Variants in ZFYVE1 observed in about 807,000 individuals in gnomAD.
The protein encoded by ZFYVE1 is zinc finger FYVE domain-containing protein 1.
In ZFYVE1, 30 loss-of-function variants were observed where a neutral mutation model predicts 74.4. The observed-to-expected ratio is 0.40, with a 90% CI of 0.30 to 0.55. The LOEUF (loss-of-function observed/expected upper bound fraction) is 0.55. Among genes scored for constraint, ZFYVE1 ranks in the 20% least tolerant of loss-of-function variants. The pLI is 0.42. For missense variants in ZFYVE1, 703 were observed against 1,011.6 expected, an observed-to-expected ratio of 0.69 and a Z score of 4.14; for synonymous variants, 335 against 385.1, an observed-to-expected ratio of 0.87 and a Z score of 1.52.
chr14:73,020,359 T>C (rs1319430995), intron 2 of ZFYVE1, among the ~76,000 whole-genome samples: 1 of 152,144 alleles, frequency 6.6e-6, no homozygotes, highest in African/African-American at 2.4e-5. Flanking sequence ...TTTCTTTGTT[T>C]CTTTGTTTTT....
At chr14:73,016,854 A>G (rs994074367) in intron 2 of ZFYVE1, among the ~76,000 whole-genome samples, 1 of 152,186 alleles carries the variant, frequency 6.6e-6, no homozygotes, top group African/African-American at 2.4e-5. Context: ...AGCCTGAGCA[A>G]CAAGAGCAAA....
chr14:72,999,920 G>A (rs1260914100), intron 2 of ZFYVE1, among the ~76,000 whole-genome samples: 1 of 152,108 alleles, frequency 6.6e-6, no homozygotes, highest in African/African-American at 2.4e-5. Context: ...AATTAGCAGA[G>A]TGTGGTGGCA....
At chr14:73,004,240 T>G (rs1162197789) in intron 2 of ZFYVE1, among the ~76,000 whole-genome samples, 2 of 152,116 alleles carry the variant, frequency 1.3e-5, no homozygotes, top group Non-Finnish European at 2.9e-5. Flanking sequence ...GGGTGGCTGC[T>G]GGAAGAGCCA....
intron 5 of ZFYVE1, among the ~76,000 whole-genome samples, chr14:72,979,591 T>C (rs1274742343): frequency 6.7e-6 from 1 of 150,346 alleles, no homozygotes; most frequent in Non-Finnish European, 1.5e-5. Flanking sequence ...GAGGCGGAGG[T>C]TGCAGTAAGC....
rs1023787803 is a variant in ZFYVE1 at position 72,969,674 on chromosome 14, G to A, written c.*1208C>T. ...AGAATTATACTTTAATTCGTGTTTG[G>A]CCACTGAAGATCAAATCCACCATGA... On this transcript the variant is annotated 3_prime_UTR_variant, in exon 12 of 12. Transcript: ENST00000556143. The A allele has an allele frequency of 8.6e-6, 6 of 700,528 alleles. No individual in the cohort carries two copies. Among genetic ancestry groups the A allele is most frequent in the Non-Finnish European group, 1.6e-5 (6 of 384,404 alleles). 43.4% of individuals were successfully genotyped at this position (700,528 alleles called of 1,614,324 possible). A position where few individuals can be genotyped will look rare whatever the true frequency, so the allele number is the denominator to read the frequency against.
intron 2 of ZFYVE1, among the ~76,000 whole-genome samples, chr14:73,020,918 G>A (rs927158111): frequency 2.6e-5 from 4 of 152,110 alleles, no homozygotes; most frequent in African/African-American, 9.7e-5. Context: ...ATTTTCATTA[G>A]AGACAGGGTT....
intron 11 of ZFYVE1, 41 bp from the exon 12 acceptor site, chr14:72,971,155 A>ACC (rs1466251848): frequency 6.2e-7 from 1 of 1,605,948 alleles, no homozygotes; most frequent in Non-Finnish European, 8.5e-7. Context: ...AAAGCCCAAT[A>ACC]CCCCGAGGCC....
chr14:72,994,138 C>T (rs540451791), intron 3 of ZFYVE1, among the ~76,000 whole-genome samples: 47 of 150,744 alleles, frequency 3.1e-4, no homozygotes, highest in African/African-American at 5.4e-4. Flanking sequence ...GCCTGGCCAA[C>T]GTGGTAAAAC....
Position 72,993,164 on chromosome 14 carries a change from T to G in ZFYVE1, c.1182A>C (p.Gly394=). The G allele has an allele frequency of 1.2e-6, 2 of 1,610,474 alleles. No individual in the cohort carries two copies. Among genetic ancestry groups the G allele is most frequent in the Non-Finnish European group, 1.7e-6 (2 of 1,177,910 alleles). Residue 394 remains glycine, a synonymous_variant, in exon 4 of 12, where the codon GGA becomes GGC. Transcript: ENST00000556143. ...TGACCTTCAGGGCTTTGAAGATGAC[T>G]CCCGGGTGCCGGGGAGAACGGGTGG... The part of the protein sequence containing the change: ...NNTTRSPRHP[G]VIFKALKALS...
At position 72,974,122 on chromosome 14, in the gene ZFYVE1, T is replaced by C; in HGVS notation, c.2059A>G (p.Asn687Asp). ...GCTGTCACCACGGCTCCCAGAGTGT[T>C]CTGCACGGCCTCGCCCACCTTCCGA... ...IARKVGEAVQ[N>D]TLGAVVTAID... The change falls in exon 11 of 12, where the codon AAC becomes GAC. Residue 687 changes from asparagine (N) to aspartate (D), a missense_variant. Around this residue, in one of 2 missense-constraint regions of ZFYVE1, gnomAD observed 492 missense variants for 790.0 expected, o/e 0.62. Transcript: ENST00000556143. 1.2e-6 allele frequency: 2 copies of C among 1,614,156 alleles called. No individual in the cohort carries two copies. The highest frequency in any genetic ancestry group is 1.7e-6 in the Non-Finnish European group (2 of 1,180,000).
chr14:72,998,340 T>C, intron 2 of ZFYVE1, 25 bp from the exon 3 acceptor site: 5 of 1,398,166 alleles, frequency 3.6e-6, no homozygotes, highest in Non-Finnish European at 3.8e-6. Context: ...AAAAAGACCA[T>C]GAAATACAGA....
intron 2 of ZFYVE1, among the ~76,000 whole-genome samples, chr14:73,010,628 G>C (rs1894069609): frequency 2.0e-5 from 3 of 151,568 alleles, no homozygotes; most frequent in African/African-American, 7.3e-5. Flanking sequence ...AAATTAGCCA[G>C]GCATGGTGGC....
intron 4 of ZFYVE1, among the ~76,000 whole-genome samples, chr14:72,985,386 G>A (rs997099190): frequency 6.6e-6 from 1 of 152,108 alleles, no homozygotes; most frequent in African/African-American, 2.4e-5. Context: ...AGGTTGGAGT[G>A]CAGTGGCATG....
Position 72,975,426 on chromosome 14 carries a change from C to T in ZFYVE1, c.1806+125G>A. On this transcript the variant is annotated intron_variant, in intron 9 of 11. Transcript: ENST00000556143. The surrounding 1 kb of genome is among the most constrained non-coding windows in gnomAD (Gnocchi z 4.1). Reference sequence around the variant, plus strand: ...CGACTCCTCCCCTTGCCGGTACTCACAGAGCTCACTGCACTGGCAGAAAAT... The same window carrying T: ...CGACTCCTCCCCTTGCCGGTACTCATAGAGCTCACTGCACTGGCAGAAAAT... The T allele has an allele frequency of 1.6e-6, 2 of 1,269,328 alleles. No homozygotes were observed. Among genetic ancestry groups the T allele is most frequent in the African/African-American group, 1.5e-5 (1 of 66,906 alleles). The allele number at this position is 1,269,328 out of a possible 1,614,324, so 78.6% of individuals were successfully genotyped here. A position where few individuals can be genotyped will look rare whatever the true frequency, so the allele number is the denominator to read the frequency against.
At chr14:72,978,692 G>T (rs530733327) in intron 6 of ZFYVE1, among the ~76,000 whole-genome samples, 169 bp downstream of exon 6, 1 of 150,740 alleles carries the variant, frequency 6.6e-6, no homozygotes, top group Admixed American at 6.6e-5. Flanking sequence ...CCTCACCAAT[G>T]AAGACATGTG....
chr14:73,017,624 T>A (rs1295903097), intron 2 of ZFYVE1, among the ~76,000 whole-genome samples: 4 of 152,200 alleles, frequency 2.6e-5, no homozygotes, highest in Non-Finnish European at 5.9e-5. Flanking sequence ...CACTGAGTTC[T>A]CCTACTCCCT....
intron 4 of ZFYVE1, among the ~76,000 whole-genome samples, chr14:72,988,840 T>C (rs1208260892): frequency 1.4e-5 from 2 of 144,642 alleles, no homozygotes; most frequent in Non-Finnish European, 3.0e-5. Context: ...ATAAACCAAA[T>C]CATAGAATAA....
intron 4 of ZFYVE1, among the ~76,000 whole-genome samples, chr14:72,983,481 T>C (rs1382459754): frequency 6.6e-6 from 1 of 151,890 alleles, no homozygotes. Context: ...AATAGTTTGC[T>C]GAGAATGATG....
Position 72,970,795 on chromosome 14 carries a change from G to A in ZFYVE1, c.*87C>T, listed in dbSNP as rs1462729681. ...GAGGAGAGGACACACACCACAGCAGGTGACTGGGAGGAGGGCCTACCTCGC... is the reference window on the plus strand; with the variant it reads ...GAGGAGAGGACACACACCACAGCAGATGACTGGGAGGAGGGCCTACCTCGC... On this transcript the variant is annotated 3_prime_UTR_variant, in exon 12 of 12. Coordinates refer to ENST00000556143, the MANE Select transcript of ZFYVE1 (RefSeq NM_021260.4). 3.6e-6 allele frequency: 5 copies of A among 1,389,558 alleles called. No homozygotes were observed. Among genetic ancestry groups the A allele is most frequent in the Non-Finnish European group, 4.9e-6 (5 of 1,010,644 alleles). The allele number at this position is 1,389,558 out of a possible 1,614,324, so 86.1% of individuals were successfully genotyped here.
Sources: gnomAD v4.1 joint callset for allele counts (sites outside exome capture counted in the v4.1 genomes callset) on GRCh38, gnomAD v4.1.1 for gene constraint, gnomAD v4.1.1 regional missense constraint, Gnocchi (gnomAD v3.1) non-coding constraint, MANE v1.5 for transcripts, NCBI Gene and HGNC (gene_info 2026-07-23, HGNC 2026-07-21) for gene names.